RPS6KA5: variants seen among roughly 807,000 people sequenced by gnomAD.
RPS6KA5 encodes the protein ribosomal protein S6 kinase alpha-5.
A neutral mutation model predicts 85.5 loss-of-function variants in RPS6KA5; 27 were observed. The observed-to-expected ratio is 0.32, with a 90% CI of 0.23 to 0.44. The LOEUF is 0.44. RPS6KA5 is among the 20% of genes least tolerant of loss of function. The probability of loss-of-function intolerance (pLI) is 1.00; values close to 1 mark genes in which losing one functional copy is unlikely to be tolerated. For missense variants in RPS6KA5, 811 were observed against 980.9 expected (o/e 0.83, Z 2.31); for synonymous variants, 334 against 348.2 (o/e 0.96, Z 0.46).
intron 7 of RPS6KA5, among the ~76,000 whole-genome samples, chr14:90,910,108 G>A (rs531258477): frequency 6.6e-6 from 1 of 152,060 alleles, no homozygotes; most frequent in East Asian, 1.9e-4. Context: ...AAAATGACCA[G>A]ATCGCATAGC....
chr14:91,005,394 T>C (rs1369732196), intron 1 of RPS6KA5, among the ~76,000 whole-genome samples: 1 of 152,208 alleles, frequency 6.6e-6, no homozygotes, highest in Non-Finnish European at 1.5e-5. Flanking sequence ...ACCACATGTT[T>C]TTGTTGTTGT....
At chr14:90,979,664 G>A (rs1022304223) in intron 2 of RPS6KA5, among the ~76,000 whole-genome samples, 5 of 152,376 alleles carry the variant, frequency 3.3e-5, no homozygotes, top group Middle Eastern at 3.4e-3. Context: ...CAAGAGATCA[G>A]TGAAAGACTA....
intron 2 of RPS6KA5, among the ~76,000 whole-genome samples, chr14:90,992,193 C>G (rs569935087): frequency 6.6e-6 from 1 of 152,218 alleles, no homozygotes; most frequent in African/African-American, 2.4e-5. Context: ...AAAGCTTCCA[C>G]CTACTCCATT....
intron 5 of RPS6KA5, among the ~76,000 whole-genome samples, chr14:90,941,690 C>T (rs1425712485): frequency 6.6e-6 from 1 of 152,196 alleles, no homozygotes; most frequent in Admixed American, 6.6e-5. Flanking sequence ...CGAGGGATAC[C>T]TGCTGTCTCC....
At chr14:90,875,133 G>T in intron 15 of RPS6KA5, 68 bp downstream of exon 15, 1 of 1,426,642 alleles carries the variant, frequency 7.0e-7, no homozygotes, top group Non-Finnish European at 9.6e-7. Flanking sequence ...GAATGTATGT[G>T]TAATGGCCAT....
chr14:90,980,357 T>C (rs1043969803), intron 2 of RPS6KA5, among the ~76,000 whole-genome samples: 4 of 152,210 alleles, frequency 2.6e-5, no homozygotes, highest in African/African-American at 7.2e-5. Flanking sequence ...CAGAGCACTA[T>C]GGTTTTTAGA....
intron 1 of RPS6KA5, among the ~76,000 whole-genome samples, chr14:91,030,821 T>C (rs2042161698): frequency 6.6e-6 from 1 of 151,850 alleles, no homozygotes; most frequent in African/African-American, 2.4e-5. Context: ...GGGAGCCTAT[T>C]AAAGGTCTAG....
intron 2 of RPS6KA5, among the ~76,000 whole-genome samples, chr14:91,000,809 AT>A (rs150321816): frequency 0.013 from 1,977 of 152,202 alleles, 52 homozygotes; most frequent in African/African-American, 0.045. Context: ...CTCAAAAAAA[AT>A]AAAATAAAAT....
intron 1 of RPS6KA5, among the ~76,000 whole-genome samples, chr14:91,018,738 T>C (rs990502800): frequency 3.9e-5 from 6 of 152,098 alleles, no homozygotes; most frequent in Admixed American, 3.9e-4. Flanking sequence ...TTTGAGGCTT[T>C]TGGACTTGGA....
intron 2 of RPS6KA5, among the ~76,000 whole-genome samples, chr14:90,999,232 A>G (rs2040669515): frequency 6.6e-6 from 1 of 152,122 alleles, no homozygotes; most frequent in African/African-American, 2.4e-5. Context: ...ACAAAAAACA[A>G]AAAAACAAAC....
chr14:90,882,497 C>T (rs1027365110), intron 14 of RPS6KA5, among the ~76,000 whole-genome samples: 36 of 152,192 alleles, frequency 2.4e-4, no homozygotes, highest in Admixed American at 2.4e-3. Flanking sequence ...TTTGAATTAA[C>T]TGTCTAGTGT....
At chr14:91,025,084 G>A (rs748516674) in intron 1 of RPS6KA5, among the ~76,000 whole-genome samples, 6 of 150,620 alleles carry the variant, frequency 4.0e-5, no homozygotes, top group Non-Finnish European at 5.9e-5. Flanking sequence ...TCATTCAGTC[G>A]CCCAGGCTGG....
rs145986766 is a variant in RPS6KA5, at chr14:91,055,866, G to A, written c.103+4466C>T. On this transcript the variant is annotated intron_variant, in intron 1 of 16. Coordinates refer to ENST00000614987, the MANE Select transcript of RPS6KA5 (RefSeq NM_004755.4). ...TTTGGGGAAACCAGCTGCCTGTCATGAGAATGCTCAAGCCACGCTATGGAG... is the reference window on the plus strand; with the variant it reads ...TTTGGGGAAACCAGCTGCCTGTCATAAGAATGCTCAAGCCACGCTATGGAG... 2.1e-4 allele frequency among the ~76,000 whole-genome samples: 32 copies of A among 152,324 alleles called. 1 individual carries two copies. In the Middle Eastern group the frequency reaches 0.014, roughly 65 times the overall value.
Position 91,031,819 on chromosome 14 carries a change from C to A in RPS6KA5, c.103+28513G>T, listed in dbSNP as rs183262295. Among the ~76,000 whole-genome samples the A allele has an allele frequency of 9.3e-3, 1,418 of 152,206 alleles. 19 individuals are homozygous for A. The highest frequency in any genetic ancestry group is 0.062 in the Middle Eastern group (18 of 292). ...TTCAACCAAAATTATAATATAACTT[C>A]ATTAAGTAGACAGGCAGGGAAATAA... is the stretch of plus-strand genomic sequence containing the variant. On this transcript the variant is annotated intron_variant, in intron 1 of 16. Coordinates refer to ENST00000614987, the MANE Select transcript of RPS6KA5 (RefSeq NM_004755.4).
intron 5 of RPS6KA5, among the ~76,000 whole-genome samples, chr14:90,924,268 C>T (rs2036550098): frequency 6.6e-6 from 1 of 152,074 alleles, no homozygotes; most frequent in African/African-American, 2.4e-5. Flanking sequence ...TGTGTTATTC[C>T]CTCTGGGTTC....
intron 5 of RPS6KA5, among the ~76,000 whole-genome samples, chr14:90,923,470 T>A (rs1004595263): frequency 1.4e-5 from 2 of 139,944 alleles, no homozygotes; most frequent in Non-Finnish European, 3.0e-5. Context: ...CCATCCATCC[T>A]TTCCATGAAT....
At chr14:91,015,229 C>G (rs1037926169) in intron 1 of RPS6KA5, among the ~76,000 whole-genome samples, 4 of 152,118 alleles carry the variant, frequency 2.6e-5, no homozygotes, top group Non-Finnish European at 5.9e-5. Context: ...ACACCTGGAA[C>G]CCGAATCTAG....
chr14:90,928,883 G>A (rs554594163), intron 5 of RPS6KA5, among the ~76,000 whole-genome samples: 1 of 151,940 alleles, frequency 6.6e-6, no homozygotes, highest in African/African-American at 2.4e-5. Flanking sequence ...ACTAAAATGT[G>A]ACAAATGCAA....
intron 9 of RPS6KA5, among the ~76,000 whole-genome samples, chr14:90,902,460 G>A (rs2035223357): frequency 4.6e-5 from 7 of 152,072 alleles, no homozygotes; most frequent in Admixed American, 4.6e-4. Flanking sequence ...ACTCCAGTCT[G>A]GGCATCAGAG....
Sources: gnomAD v4.1 joint callset for allele counts (sites outside exome capture counted in the v4.1 genomes callset) on GRCh38, gnomAD v4.1.1 for gene constraint, MANE v1.5 for transcripts, NCBI Gene and HGNC (gene_info 2026-07-23, HGNC 2026-07-21) for gene names.